Variants in FLYWCH2 observed in about 807,000 individuals in gnomAD.
FLYWCH2 encodes the protein FLYWCH family member 2.
In FLYWCH2, 2 loss-of-function variants were observed where a neutral mutation model predicts 6.0. The ratio of observed to expected loss-of-function variants is 0.33; its 90% confidence interval spans 0.14 to 1.04. FLYWCH2 has a LOEUF of 1.04. Among genes scored for constraint, FLYWCH2 ranks in the 50% least tolerant of loss-of-function variants. The pLI is 0.45. For synonymous variants in FLYWCH2, 87 were observed against 79.3 expected, an observed-to-expected ratio of 1.10 and a Z score of -0.52; for missense variants, 192 against 183.4, an observed-to-expected ratio of 1.05 and a Z score of -0.27.
At chr16:2,887,313 CT>C (rs71158114) in intron 1 of FLYWCH2, among the ~76,000 whole-genome samples, 11 of 72,518 alleles carry the variant, frequency 1.5e-4, no homozygotes, top group African/African-American at 2.9e-4. Context: ...GCCCGGCTTT[CT>C]TTTTTTTTTT....
intron 1 of FLYWCH2, among the ~76,000 whole-genome samples, chr16:2,893,019 T>TATAC (rs1555477291): frequency 8.9e-5 from 13 of 146,040 alleles, no homozygotes; most frequent in Non-Finnish European, 1.3e-4. Flanking sequence ...TTTATATATA[T>TATAC]ACACACACAC....
chr16:2,884,580 C>A (rs7499614), intron 1 of FLYWCH2, among the ~76,000 whole-genome samples: 5,779 of 43,470 alleles, frequency 0.13, 282 homozygotes, highest in Non-Finnish European at 0.18. Context: ...AAAAAAAATA[C>A]AAAAATTAGT....
chr16:2,891,106 C>G (rs1214149721), intron 1 of FLYWCH2, among the ~76,000 whole-genome samples: 3 of 152,194 alleles, frequency 2.0e-5, no homozygotes, highest in Admixed American at 1.3e-4. Flanking sequence ...GACCTCAGCT[C>G]TGAGGATCAG....
chr16:2,891,653 C>T (rs2069759331), intron 1 of FLYWCH2, among the ~76,000 whole-genome samples: 1 of 152,074 alleles, frequency 6.6e-6, no homozygotes, highest in African/African-American at 2.4e-5. Context: ...GATCCACCCG[C>T]CTTGCCTCCC....
intron 1 of FLYWCH2, among the ~76,000 whole-genome samples, chr16:2,892,924 T>C (rs1034247984): frequency 2.4e-4 from 36 of 147,544 alleles, no homozygotes; most frequent in South Asian, 6.3e-4. Flanking sequence ...ATTATATATG[T>C]CATATATATA....
intron 2 of FLYWCH2, among the ~76,000 whole-genome samples, chr16:2,895,836 C>G (rs1048080233): frequency 9.9e-5 from 15 of 152,224 alleles, no homozygotes; most frequent in Admixed American, 6.5e-5. Flanking sequence ...ACACTGATGT[C>G]TGTTAACATG....
chr16:2,894,616 G>A (rs1464212464), intron 1 of FLYWCH2, among the ~76,000 whole-genome samples: 2 of 152,336 alleles, frequency 1.3e-5, no homozygotes, highest in East Asian at 3.9e-4. Flanking sequence ...GTCCGGAGGC[G>A]GACGGATAAC....
chr16:2,891,248 A>C (rs185018453), intron 1 of FLYWCH2, among the ~76,000 whole-genome samples: 2 of 152,186 alleles, frequency 1.3e-5, no homozygotes, highest in African/African-American at 4.8e-5. Flanking sequence ...GTTGGGTAGC[A>C]GTAATAGAGG....
At chr16:2,890,374 G>A (rs1429417331) in intron 1 of FLYWCH2, among the ~76,000 whole-genome samples, 1 of 151,080 alleles carries the variant, frequency 6.6e-6, no homozygotes, top group Non-Finnish European at 1.5e-5. Flanking sequence ...TCTGCCTCCT[G>A]AGTAGCTGGG....
At chr16:2,888,584 A>T (rs8053928) in intron 1 of FLYWCH2, among the ~76,000 whole-genome samples, 41,466 of 151,460 alleles carry the variant, frequency 0.27, 5,766 homozygotes, top group Admixed American at 0.3. Context: ...ATCCATGAAC[A>T]TGGGATGTCT....
intron 1 of FLYWCH2, among the ~76,000 whole-genome samples, chr16:2,886,630 T>C (rs2069702248): frequency 7.1e-6 from 1 of 141,092 alleles, no homozygotes. Context: ...CAAGCAATTC[T>C]CCTGTCTCAG....
chr16:2,883,943 C>A (rs1458500698), intron 1 of FLYWCH2, among the ~76,000 whole-genome samples: 1 of 152,230 alleles, frequency 6.6e-6, no homozygotes, highest in African/African-American at 2.4e-5. Context: ...GGTGGGGAAG[C>A]TCCGCGCTGC....
chr16:2,896,881 C>G (rs1467595504), intron 3 of FLYWCH2, 110 bp downstream of exon 3: 2 of 1,064,594 alleles, frequency 1.9e-6, no homozygotes, highest in Admixed American at 5.0e-5. Flanking sequence ...TCCTTGTTCC[C>G]TGACTTTGAC....
At position 2,889,535 on chromosome 16, in the gene FLYWCH2, C is replaced by G. The variant is rs1190723364; in HGVS notation, c.-199-5685C>G. 3.3e-5 allele frequency among the ~76,000 whole-genome samples: 4 copies of G among 119,550 alleles called. No homozygotes were observed. In the East Asian group the frequency reaches 8.7e-4, roughly 26 times the overall value. 78.4% of individuals were successfully genotyped at this position (119,550 alleles called of 152,430 possible). On this transcript the variant is annotated intron_variant, in intron 1 of 3. Coordinates refer to ENST00000396958, the MANE Select transcript of FLYWCH2 (RefSeq NM_138439.3). ...AACCTTTACTTTTAAAGAAAAAGCA[C>G]TAGGAAAGACTATATTAAAAAAAAA...
chr16:2,890,916 G>A (rs1020478045), intron 1 of FLYWCH2, among the ~76,000 whole-genome samples: 8 of 152,170 alleles, frequency 5.3e-5, no homozygotes, highest in African/African-American at 1.9e-4. Flanking sequence ...AATCAAGGGA[G>A]GGGACTTAAG....
At chr16:2,896,896 T>C (rs1167934496) in intron 3 of FLYWCH2, 125 bp downstream of exon 3, 6 of 934,318 alleles carry the variant, frequency 6.4e-6, no homozygotes, top group Non-Finnish European at 4.7e-6. Flanking sequence ...TTTGACCACG[T>C]GTGGAGAGCA....
Position 2,896,701 on chromosome 16 carries a change from C to A in FLYWCH2, c.252C>A (p.His84Gln), listed in dbSNP as rs1480098853. 6.2e-7 allele frequency: 1 copy of A among 1,612,876 alleles called. No individual in the cohort carries two copies. The highest frequency in any genetic ancestry group is 8.5e-7 in the Non-Finnish European group (1 of 1,179,880). ...TTGCCAAGGCCCTCCTCCAGACCCACCCCGAGGCCCAGCGGGCCATTGAGG... is the reference window on the plus strand; with the variant it reads ...TTGCCAAGGCCCTCCTCCAGACCCAACCCGAGGCCCAGCGGGCCATTGAGG... ...ATLAKALLQT[H>Q]PEAQRAIEAA... Residue 84 changes from histidine (H) to glutamine (Q), a missense_variant, in exon 3 of 4, where the codon CAC becomes CAA. Physicochemically the swap from His to Gln is conservative, Grantham distance 24. Coordinates refer to ENST00000396958, the MANE Select transcript of FLYWCH2 (RefSeq NM_138439.3).
chr16:2,892,892 GTA>G (rs1430806218), intron 1 of FLYWCH2, among the ~76,000 whole-genome samples: 1 of 50,370 alleles, frequency 2.0e-5, no homozygotes, highest in Non-Finnish European at 5.2e-5. Flanking sequence ...AATATATAAT[GTA>G]TATATGTCAT....
intron 1 of FLYWCH2, among the ~76,000 whole-genome samples, chr16:2,892,090 G>C (rs1183953082): frequency 6.6e-6 from 1 of 151,986 alleles, no homozygotes; most frequent in Non-Finnish European, 1.5e-5. Flanking sequence ...TACTCGGGAG[G>C]CTGAGGCAGG....
Sources: allele counts gnomAD v4.1 joint callset (sites outside exome capture counted in the v4.1 genomes callset), GRCh38; gene constraint gnomAD v4.1.1; transcripts MANE v1.5; gene names NCBI Gene and HGNC (gene_info 2026-07-23, HGNC 2026-07-21).